CCDC73: variants seen among roughly 807,000 people sequenced by gnomAD.
CCDC73 encodes the protein coiled-coil domain-containing protein 73.
CCDC73 carries 95 observed loss-of-function variants against 116.5 expected under a neutral mutation model. That is an observed-to-expected ratio of 0.82 (90% CI 0.69 to 0.97). CCDC73 has a LOEUF of 0.97. CCDC73 is among the 50% of genes least tolerant of loss of function. The pLI is 0.00. For missense variants in CCDC73, 1,066 were observed against 1,206.8 expected, an observed-to-expected ratio of 0.88 and a Z score of 1.73; for synonymous variants, 398 against 401.3, an observed-to-expected ratio of 0.99 and a Z score of 0.10.
At chr11:32,685,266 C>CAAAA (rs35408326) in intron 6 of CCDC73, among the ~76,000 whole-genome samples, 9 of 93,434 alleles carry the variant, frequency 9.6e-5, no homozygotes, top group East Asian at 6.0e-4. Context: ...AACACTGGAC[C>CAAAA]AAAAAAAAAA....
At chr11:32,621,559 C>T (rs542084331) in intron 14 of CCDC73, among the ~76,000 whole-genome samples, 1 of 152,220 alleles carries the variant, frequency 6.6e-6, no homozygotes, top group Non-Finnish European at 1.5e-5. Context: ...AAACCCAAAA[C>T]CATAAAAACC....
intron 14 of CCDC73, among the ~76,000 whole-genome samples, chr11:32,624,030 A>C (rs1855546338): frequency 6.6e-6 from 1 of 152,062 alleles, no homozygotes; most frequent in South Asian, 2.1e-4. Context: ...ATCTGACAAT[A>C]TGTGTCAAAA....
chr11:32,639,162 C>T (rs569476436), intron 13 of CCDC73, among the ~76,000 whole-genome samples: 2 of 151,500 alleles, frequency 1.3e-5, no homozygotes, highest in African/African-American at 4.9e-5. Context: ...GACACCCCCC[C>T]CAAAAAATCC....
chr11:32,669,542 T>C (rs1255766813), intron 9 of CCDC73, among the ~76,000 whole-genome samples: 1 of 152,184 alleles, frequency 6.6e-6, no homozygotes, highest in East Asian at 1.9e-4. Context: ...TATCAAATAC[T>C]ATGTCTTATT....
intron 9 of CCDC73, among the ~76,000 whole-genome samples, chr11:32,664,575 T>C (rs201890): frequency 0.73 from 110,864 of 152,048 alleles, 41,300 homozygotes; most frequent in African/African-American, 0.78. Context: ...CTCTTTTCTT[T>C]TTTATTAGGC....
chr11:32,636,629 C>G (rs1286656638), intron 13 of CCDC73, among the ~76,000 whole-genome samples: 1 of 152,118 alleles, frequency 6.6e-6, no homozygotes, highest in East Asian at 1.9e-4. Flanking sequence ...ACAAATTCCA[C>G]TAGTGCTTGT....
chr11:32,652,833 C>CA (rs537696083), intron 12 of CCDC73, among the ~76,000 whole-genome samples: 62 of 146,284 alleles, frequency 4.2e-4, no homozygotes, highest in Admixed American at 6.8e-4. Context: ...AATTCTAAGA[C>CA]AAAAAAAAAA....
intron 12 of CCDC73, 55 bp from the exon 13 acceptor site, chr11:32,642,137 AT>A: frequency 7.1e-7 from 1 of 1,418,400 alleles, no homozygotes; most frequent in Non-Finnish European, 9.3e-7. Flanking sequence ...ATGAATTCTG[AT>A]GTGTTTTATG....
At chr11:32,785,318 C>T (rs1850618544) in intron 1 of CCDC73, among the ~76,000 whole-genome samples, 1 of 152,208 alleles carries the variant, frequency 6.6e-6, no homozygotes, top group Non-Finnish European at 1.5e-5. Context: ...GTATTTCTTA[C>T]AGTGGCTCAC....
intron 2 of CCDC73, among the ~76,000 whole-genome samples, chr11:32,755,536 A>AATATATATATATAT (rs375204188): frequency 1.8e-4 from 11 of 59,914 alleles, no homozygotes; most frequent in African/African-American, 5.6e-4. Context: ...TCCATCTCAA[A>AATATATATATATAT]ATATATATAT....
intron 2 of CCDC73, among the ~76,000 whole-genome samples, chr11:32,734,425 C>CTTTTTTTTTTT (rs34093038): frequency 3.0e-5 from 4 of 131,354 alleles, no homozygotes; most frequent in Non-Finnish European, 6.5e-5. Flanking sequence ...ATTTTTTTTT[C>CTTTTTTTTTTT]TTTTTTTTTT....
rs1282895949 is a variant in CCDC73 at position 32,698,010 on chromosome 11, AATTTTTTTTT to A, written c.390+1231_390+1240del. On this transcript the variant is annotated intron_variant, in intron 6 of 17. Coordinates refer to ENST00000335185, the MANE Select transcript of CCDC73 (RefSeq NM_001008391.4). Reference sequence around the variant, plus strand: ...TCTGTTGTTTCTTTGTCTAACACTGAATTTTTTTTTTTTTTTTTTTTTTTTTTTTTTTGAG... The same window carrying A: ...TCTGTTGTTTCTTTGTCTAACACTGATTTTTTTTTTTTTTTTTTTTTTGAG... 4.2e-5 allele frequency among the ~76,000 whole-genome samples: 5 copies of A among 117,738 alleles called. 1 individual carries two copies. Among genetic ancestry groups the A allele is most frequent in the African/African-American group, 1.3e-4 (4 of 29,960 alleles). The allele number at this position is 117,738 out of a possible 152,430, so 77.2% of individuals were successfully genotyped here. A position where few individuals can be genotyped will look rare whatever the true frequency, so the allele number is the denominator to read the frequency against.
chr11:32,617,649 T>C (rs889116074), intron 14 of CCDC73, among the ~76,000 whole-genome samples: 2 of 152,140 alleles, frequency 1.3e-5, no homozygotes, highest in African/African-American at 4.8e-5. Context: ...TGGTCAATGA[T>C]TGGATGTGAA....
At chr11:32,688,793 T>A (rs912838888) in intron 6 of CCDC73, among the ~76,000 whole-genome samples, 1 of 152,128 alleles carries the variant, frequency 6.6e-6, no homozygotes, top group Non-Finnish European at 1.5e-5. Flanking sequence ...TGAACTAATA[T>A]GAAATGTTTG....
At chr11:32,764,589 G>A (rs1266477985) in intron 1 of CCDC73, among the ~76,000 whole-genome samples, 1 of 152,138 alleles carries the variant, frequency 6.6e-6, no homozygotes, top group Non-Finnish European at 1.5e-5. Flanking sequence ...CACCAGGCCT[G>A]CCCTACAAAA....
chr11:32,668,864 G>A (rs1481353620), intron 9 of CCDC73, among the ~76,000 whole-genome samples: 1 of 152,140 alleles, frequency 6.6e-6, no homozygotes, highest in African/African-American at 2.4e-5. Flanking sequence ...ATATTTTATG[G>A]CTAGAGAAAA....
chr11:32,644,044 A>C lies in CCDC73; in HGVS notation c.940-1962T>G, dbSNP rs150464738. On this transcript the variant is annotated intron_variant, in intron 12 of 17. Coordinates refer to ENST00000335185, the MANE Select transcript of CCDC73 (RefSeq NM_001008391.4). Reference sequence around the variant, plus strand: ...TTTTGGTCAAAAACTGAGACACATCATCACAGCACTATTCACAATAGCAAA... The same window carrying C: ...TTTTGGTCAAAAACTGAGACACATCCTCACAGCACTATTCACAATAGCAAA... Among the ~76,000 whole-genome samples, 1,318 of 152,236 alleles carry C rather than the reference A, an allele frequency of 8.7e-3. 11 individuals carry two copies. The highest frequency in any genetic ancestry group is 0.014 in the Middle Eastern group (4 of 294).
At chr11:32,811,488 T>G in the CCDC73 span, among the ~76,000 whole-genome samples, 1 of 152,178 alleles carries the variant, frequency 6.6e-6, no homozygotes, top group Non-Finnish European at 1.5e-5. Context: ...TAGGTGTGTG[T>G]TAGTCTGTTT....
At chr11:32,649,811 CT>C (rs1303709823) in intron 12 of CCDC73, among the ~76,000 whole-genome samples, 23 of 152,238 alleles carry the variant, frequency 1.5e-4, no homozygotes, top group African/African-American at 5.5e-4. Context: ...AAAATGTTCT[CT>C]TTCATAAAAT....
Sources: gnomAD v4.1 joint callset for allele counts (sites outside exome capture counted in the v4.1 genomes callset) on GRCh38, gnomAD v4.1.1 for gene constraint, MANE v1.5 for transcripts, NCBI Gene and HGNC (gene_info 2026-07-23, HGNC 2026-07-21) for gene names.